MAP6D1: variants seen among roughly 807,000 people sequenced by gnomAD.
The protein encoded by MAP6D1 is MAP6 domain containing 1.
A neutral mutation model predicts 17.4 loss-of-function variants in MAP6D1; 13 were observed. The observed-to-expected ratio is 0.75, with a 90% CI of 0.49 to 1.19. The LOEUF (loss-of-function observed/expected upper bound fraction) is 1.19. Ranked by LOEUF, MAP6D1 falls within the 50% of genes most tolerant of loss-of-function variation. The pLI is 0.00. For synonymous variants in MAP6D1, 141 were observed against 145.7 expected (o/e 0.97, Z 0.23); for missense variants, 313 against 312.6 (o/e 1.00, Z -0.01).
At chr3:183,822,088 G>A (rs1262243528) in intron 1 of MAP6D1, among the ~76,000 whole-genome samples, 1 of 152,128 alleles carries the variant, frequency 6.6e-6, no homozygotes, top group Non-Finnish European at 1.5e-5. Flanking sequence ...CAAAAAGTAT[G>A]AACTTATCCC....
intron 1 of MAP6D1, among the ~76,000 whole-genome samples, chr3:183,822,011 T>C (rs1191249727): frequency 6.6e-6 from 1 of 152,142 alleles, no homozygotes; most frequent in Non-Finnish European, 1.5e-5. Flanking sequence ...TAAGCATCCT[T>C]ACAGCTAAAT....
rs569782797 is a variant in MAP6D1 at position 183,821,819 on chromosome 3, C to T, written c.401+3328G>A. ...CTGGGGTTATAGGGGTGAGCCACCA[C>T]GCCCGGCCTAATTTTTATATTTTTA... On this transcript the variant is annotated intron_variant, in intron 1 of 2. Transcript: ENST00000318631. 5.3e-5 allele frequency among the ~76,000 whole-genome samples: 8 copies of T among 152,042 alleles called. No individual in the cohort carries two copies. The East Asian group carries it at 7.7e-4, about 15-fold the overall frequency.
intron 2 of MAP6D1, 122 bp from the exon 3 acceptor site, chr3:183,817,558 T>C: frequency 1.1e-6 from 1 of 876,270 alleles, no homozygotes; most frequent in South Asian, 1.7e-5. Flanking sequence ...AGTTGAGACC[T>C]GAAGGGTCAG....
intron 1 of MAP6D1, among the ~76,000 whole-genome samples, chr3:183,821,342 C>A (rs948443021): frequency 5.3e-5 from 8 of 152,128 alleles, no homozygotes; most frequent in African/African-American, 1.7e-4. Context: ...CAGAGCTGTG[C>A]CAGCCACTCA....
At position 183,816,646 on chromosome 3, in the gene MAP6D1, T is replaced by C. The variant is rs537133148; in HGVS notation, c.*710A>G. Reference sequence around the variant, plus strand: ...GATAGTGCCCTGCTCATCATCCTTATGTTAGCGGGAAAATCATTAGTAACA... The same window carrying C: ...GATAGTGCCCTGCTCATCATCCTTACGTTAGCGGGAAAATCATTAGTAACA... On this transcript the variant is annotated 3_prime_UTR_variant, in exon 3 of 3. Transcript: ENST00000318631. The C allele has an allele frequency of 1.3e-5, 2 of 152,982 alleles. No individual in the cohort carries two copies. Among genetic ancestry groups the C allele is most frequent in the Admixed American group, 6.5e-5 (1 of 15,390 alleles). The allele number at this position is 152,982 out of a possible 1,614,324, so 9.5% of individuals were successfully genotyped here.
In MAP6D1 at chr3:183,825,224, A is replaced by G. The variant is rs952448599; in HGVS notation, c.324T>C (p.Pro108=). ...CGTAGACCCCGCGGGCGCCGGGCGCAGGTGGCGCGGAGGACTGCGCGGAGG... is the reference window on the plus strand; with the variant it reads ...CGTAGACCCCGCGGGCGCCGGGCGCGGGTGGCGCGGAGGACTGCGCGGAGG... ...GKSSAQSSAP[P]APGARGVYVL... The change falls in exon 1 of 3, where the codon CCT becomes CCC. Residue 108 remains proline, a synonymous_variant. Transcript: ENST00000318631. 7.0e-6 allele frequency: 10 copies of G among 1,427,310 alleles called. No individual in the cohort carries two copies. The highest frequency in any genetic ancestry group is 9.2e-6 in the Non-Finnish European group (10 of 1,089,158). 88.4% of individuals were successfully genotyped at this position (1,427,310 alleles called of 1,614,324 possible).
intron 2 of MAP6D1, 32 bp downstream of exon 2, chr3:183,817,962 C>A: frequency 6.4e-7 from 1 of 1,555,952 alleles, no homozygotes; most frequent in Non-Finnish European, 8.9e-7. Flanking sequence ...GCCTCTATAC[C>A]CACACCCCTG....
chr3:183,817,966 A>T (rs764642862), intron 2 of MAP6D1, 28 bp downstream of exon 2: 1 of 1,565,694 alleles, frequency 6.4e-7, no homozygotes, highest in Admixed American at 1.7e-5. Context: ...CTATACCCAC[A>T]CCCCTGCTAC....
chr3:183,816,814 TCTGG>T lies in MAP6D1; in HGVS notation c.*538_*541del. The T allele has an allele frequency of 1.3e-5, 2 of 154,952 alleles. No homozygotes were observed. Among genetic ancestry groups the T allele is most frequent in the Non-Finnish European group, 2.9e-5 (2 of 69,654 alleles). 9.6% of individuals were successfully genotyped at this position (154,952 alleles called of 1,614,324 possible). A position where few individuals can be genotyped will look rare whatever the true frequency, so the allele number is the denominator to read the frequency against. On this transcript the variant is annotated 3_prime_UTR_variant, in exon 3 of 3. Coordinates refer to ENST00000318631, the MANE Select transcript of MAP6D1 (RefSeq NM_024871.4). The stretch of plus-strand genomic sequence containing the variant: ...AGCCCGTGACTGACGGTCTGTTTCT[TCTGG>T]AAATTTCCTCCTGGATACTCAGCAT...
At chr3:183,817,817 G>A (rs1727152238) in intron 2 of MAP6D1, among the ~76,000 whole-genome samples, 177 bp downstream of exon 2, 1 of 152,218 alleles carries the variant, frequency 6.6e-6, no homozygotes, top group South Asian at 2.1e-4. Context: ...AACGCTAGAG[G>A]GCCACCCAGC....
At chr3:183,820,737 A>G (rs1383010959) in intron 1 of MAP6D1, among the ~76,000 whole-genome samples, 1 of 39,374 alleles carries the variant, frequency 2.5e-5, no homozygotes, top group Non-Finnish European at 6.2e-5. Context: ...GTCTCTAGTA[A>G]AAAAAAAAAA....
At chr3:183,823,151 C>A (rs551934899) in intron 1 of MAP6D1, among the ~76,000 whole-genome samples, 2 of 152,186 alleles carry the variant, frequency 1.3e-5, no homozygotes, top group Non-Finnish European at 2.9e-5. Flanking sequence ...GGCACCACCA[C>A]GCCCAGCTAA....
At chr3:183,822,743 G>A (rs929157930) in intron 1 of MAP6D1, among the ~76,000 whole-genome samples, 1 of 152,212 alleles carries the variant, frequency 6.6e-6, no homozygotes, top group South Asian at 2.1e-4. Flanking sequence ...GAGCCGCAGC[G>A]CTCAGGCCCT....
rs548372596 is a variant in MAP6D1, at chr3:183,816,599, C to G, written c.*757G>C. 6.6e-6 allele frequency: 1 copy of G among 152,284 alleles called. No homozygotes were observed. Among genetic ancestry groups the G allele is most frequent in the African/African-American group, 2.4e-5 (1 of 41,442 alleles). 9.4% of individuals were successfully genotyped at this position (152,284 alleles called of 1,614,324 possible). ...AAATGCCACCTTCCCAAAAACAGTT[C>G]CAGTTCTCAGCCAGTGTGTATGATA... On this transcript the variant is annotated 3_prime_UTR_variant, in exon 3 of 3. Transcript: ENST00000318631.
In MAP6D1 at chr3:183,825,243, G is replaced by C. The variant is rs760667646; in HGVS notation, c.305C>G (p.Ala102Gly). 3 of 1,382,718 alleles carry C rather than the reference G, an allele frequency of 2.2e-6. No individual in the cohort carries two copies. The highest frequency in any genetic ancestry group is 1.8e-5 in the South Asian group (1 of 56,288). The allele number at this position is 1,382,718 out of a possible 1,614,324, so 85.7% of individuals were successfully genotyped here. ...GAGGRRGKSS[A>G]QSSAPPAPGA... ...GGGCGCAGGTGGCGCGGAGGACTGC[G>C]CGGAGGATTTGCCCCTGCGGCCGCC... Residue 102 changes from alanine to glycine, a missense_variant, in exon 1 of 3, where the codon GCG (alanine) becomes GGG (glycine). Coordinates refer to ENST00000318631, the MANE Select transcript of MAP6D1 (RefSeq NM_024871.4).
rs1258052182 is a variant in MAP6D1, at chr3:183,816,589, A to T, written c.*767T>A. Reference sequence around the variant, plus strand: ...GGAATGAGACAAATGCCACCTTCCCAAAAACAGTTCCAGTTCTCAGCCAGT... The same window carrying T: ...GGAATGAGACAAATGCCACCTTCCCTAAAACAGTTCCAGTTCTCAGCCAGT... On this transcript the variant is annotated 3_prime_UTR_variant, in exon 3 of 3. Transcript: ENST00000318631. 6.6e-6 allele frequency: 1 copy of T among 152,322 alleles called. No individual in the cohort carries two copies. The highest frequency in any genetic ancestry group is 6.5e-5 in the Admixed American group (1 of 15,278). 9.4% of individuals were successfully genotyped at this position (152,322 alleles called of 1,614,324 possible). A position where few individuals can be genotyped will look rare whatever the true frequency, so the allele number is the denominator to read the frequency against.
intron 1 of MAP6D1, among the ~76,000 whole-genome samples, chr3:183,822,477 T>G (rs1415351944): frequency 2.0e-5 from 3 of 152,028 alleles, no homozygotes; most frequent in Admixed American, 1.3e-4. Flanking sequence ...AAAACCCAAC[T>G]GTATCAAGGC....
At position 183,825,395 on chromosome 3, in the gene MAP6D1, G is replaced by A; in HGVS notation, c.153C>T (p.Gly51=). Residue 51 remains glycine (G), a synonymous_variant, in exon 1 of 3, where the codon GGC becomes GGT. Coordinates refer to ENST00000318631, the MANE Select transcript of MAP6D1 (RefSeq NM_024871.4). The part of the protein sequence containing the change: ...PGTGGAASRR[G]QPPAGARDSG... Reference sequence around the variant, plus strand: ...AATCCCGGGCGCCCGCGGGAGGCTGGCCCCTGCGCGAGGCGGCGCCGCCCG... The same window carrying A: ...AATCCCGGGCGCCCGCGGGAGGCTGACCCCTGCGCGAGGCGGCGCCGCCCG... 6.9e-7 allele frequency: 1 copy of A among 1,446,436 alleles called. No individual in the cohort carries two copies. The highest frequency in any genetic ancestry group is 1.4e-5 in the South Asian group (1 of 73,022). 89.6% of individuals were successfully genotyped at this position (1,446,436 alleles called of 1,614,324 possible). A position where few individuals can be genotyped will look rare whatever the true frequency, so the allele number is the denominator to read the frequency against.
rs1238863434 is a variant in MAP6D1, at chr3:183,825,230, C to G, written c.318G>C (p.Ala106=). The G allele has an allele frequency of 1.4e-6, 2 of 1,416,150 alleles. No individual in the cohort carries two copies. The highest frequency in any genetic ancestry group is 9.2e-7 in the Non-Finnish European group (1 of 1,084,020). 87.7% of individuals were successfully genotyped at this position (1,416,150 alleles called of 1,614,324 possible). A position where few individuals can be genotyped will look rare whatever the true frequency, so the allele number is the denominator to read the frequency against. Residue 106 remains alanine, a synonymous_variant, in exon 1 of 3, where the codon GCG becomes GCC. Transcript: ENST00000318631. ...RRGKSSAQSS[A]PPAPGARGVY... Reference sequence around the variant, plus strand: ...CCCCGCGGGCGCCGGGCGCAGGTGGCGCGGAGGACTGCGCGGAGGATTTGC... The same window carrying G: ...CCCCGCGGGCGCCGGGCGCAGGTGGGGCGGAGGACTGCGCGGAGGATTTGC...
Sources: gnomAD v4.1 joint callset for allele counts (sites outside exome capture counted in the v4.1 genomes callset) on GRCh38, gnomAD v4.1.1 for gene constraint, MANE v1.5 for transcripts, NCBI Gene and HGNC (gene_info 2026-07-23, HGNC 2026-07-21) for gene names.